Variants in TRAF5 observed in about 807,000 individuals in gnomAD.
TRAF5 encodes the protein TNF receptor-associated factor 5.
TRAF5 carries 48 observed loss-of-function variants against 64.5 expected under a neutral mutation model. The ratio of observed to expected loss-of-function variants is 0.74; its 90% CI spans 0.59 to 0.95. TRAF5 has a LOEUF of 0.95. Ranked by LOEUF, TRAF5 falls within the 40% of genes least tolerant of loss-of-function variation. The probability of loss-of-function intolerance (pLI) is 0.00; values close to 1 mark genes in which losing one functional copy is unlikely to be tolerated. For synonymous variants in TRAF5, 206 were observed against 240.5 expected, an observed-to-expected ratio of 0.86 and a Z score of 1.33; for missense variants, 545 against 662.8, an observed-to-expected ratio of 0.82 and a Z score of 1.95.
intron 8 of TRAF5, among the ~76,000 whole-genome samples, chr1:211,367,907 G>T (rs920597165): frequency 3.3e-5 from 5 of 152,158 alleles, no homozygotes; most frequent in African/African-American, 1.2e-4. Context: ...GTAGTCTCAA[G>T]ATACAATTTA....
At chr1:211,347,143 G>A (rs565894533) in intron 1 of TRAF5, among the ~76,000 whole-genome samples, 4 of 151,976 alleles carry the variant, frequency 2.6e-5, no homozygotes, top group African/African-American at 9.7e-5. Flanking sequence ...TTCCTGTTAC[G>A]TAAGCTGTTA....
chr1:211,327,774 C>T (rs1176266008), intron 1 of TRAF5, among the ~76,000 whole-genome samples: 1 of 152,212 alleles, frequency 6.6e-6, no homozygotes, highest in Non-Finnish European at 1.5e-5. Flanking sequence ...CTGTGGCAGG[C>T]AGAGCTGCCT....
At chr1:211,365,319 C>T in intron 7 of TRAF5, 57 bp from the exon 8 acceptor site, 1 of 1,412,802 alleles carries the variant, frequency 7.1e-7, no homozygotes, top group Non-Finnish European at 9.9e-7. Context: ...ATCCTACCAC[C>T]TCTTTCATTT....
chr1:211,345,718 T>C (rs1013954232), intron 1 of TRAF5, among the ~76,000 whole-genome samples: 1 of 152,202 alleles, frequency 6.6e-6, no homozygotes, highest in South Asian at 2.1e-4. Flanking sequence ...AGCTGAGAAA[T>C]GGACAGTTTG....
In TRAF5 at chr1:211,371,308, GC is replaced by G. The variant is rs781352493; in HGVS notation, c.939del (p.Ser314ValfsTer9). 1 of 1,578,892 alleles carries G rather than the reference GC, an allele frequency of 6.3e-7. No individual in the cohort carries two copies. The highest frequency in any genetic ancestry group is 1.2e-5 in the South Asian group (1 of 84,204). ...GSFLPNIQVFASHIDKSAWLE... is the reference protein window; with the variant it reads ...GSFLPNIQVFXSHIDKSAWLE... ...ATCCATTTTGTAATGAAAGGTTTTTGCCAGTCACATTGACAAGTCAGCTTGG... is the reference window on the plus strand; with the variant it reads ...ATCCATTTTGTAATGAAAGGTTTTTGCAGTCACATTGACAAGTCAGCTTGG... On this transcript the variant is annotated frameshift_variant, in exon 10 of 11. Coordinates refer to ENST00000261464, the MANE Select transcript of TRAF5 (RefSeq NM_001033910.3). LOFTEE classifies it high-confidence loss of function.
At chr1:211,344,562 G>T (rs1450310975) in intron 1 of TRAF5, among the ~76,000 whole-genome samples, 2 of 152,096 alleles carry the variant, frequency 1.3e-5, no homozygotes, top group Admixed American at 6.5e-5. Flanking sequence ...TGGCCTTATT[G>T]GTTCTCCCTT....
At position 211,365,479 on chromosome 1, in the gene TRAF5, A is replaced by C; in HGVS notation, c.789+11A>C. 2 of 1,605,444 alleles carry C rather than the reference A, an allele frequency of 1.2e-6. No individual in the cohort carries two copies. The highest frequency in any genetic ancestry group is 1.7e-6 in the Non-Finnish European group (2 of 1,173,800). ...CAATTAGAAGAACAGGTAAATCTTC[A>C]AAGGTTCAAATAAAAAGTGAGGCAA... On this transcript the variant is annotated intron_variant, in intron 8 of 10. Transcript: ENST00000261464.
In TRAF5 at chr1:211,361,086, A is replaced by T. The variant is rs1328933677; in HGVS notation, c.622-2A>T. The T allele has an allele frequency of 6.2e-7, 1 of 1,613,980 alleles. No homozygotes were observed. Among genetic ancestry groups the T allele is most frequent in the Non-Finnish European group, 8.5e-7 (1 of 1,179,844 alleles). On this transcript the variant is annotated splice_acceptor_variant, in intron 6 of 10. Transcript: ENST00000261464. LOFTEE classifies it high-confidence loss of function. ...TATAGCTTGTGACTATCCATTTCGT[A>T]GGTAGATGAACACCTGGCTGTATGT... is the stretch of plus-strand genomic sequence containing the variant.
intron 8 of TRAF5, among the ~76,000 whole-genome samples, chr1:211,366,427 T>C (rs1703353021): frequency 6.6e-6 from 1 of 152,222 alleles, no homozygotes; most frequent in South Asian, 2.1e-4. Context: ...TGTTTGCTGC[T>C]AGGGACACTG....
chr1:211,346,550 T>C, intron 1 of TRAF5: 1 of 474,766 alleles, frequency 2.1e-6, no homozygotes, highest in Non-Finnish European at 2.8e-6. Context: ...TTTGTGGACT[T>C]ATGTCTTATG....
rs866812417 is a variant in TRAF5 at position 211,326,981 on chromosome 1, C to A, written c.-2+92C>A. The A allele has an allele frequency of 1.0e-6, 1 of 953,280 alleles. No individual in the cohort carries two copies. The highest frequency in any genetic ancestry group is 1.2e-6 in the Non-Finnish European group (1 of 800,618). The allele number at this position is 953,280 out of a possible 1,614,324, so 59.1% of individuals were successfully genotyped here. On this transcript the variant is annotated intron_variant, in intron 1 of 10. Coordinates refer to ENST00000261464, the MANE Select transcript of TRAF5 (RefSeq NM_001033910.3). This position sits in a 1 kb window ranked among gnomAD's most constrained non-coding sequence, Gnocchi z 5.0. ...AGCGCTTTTCATCTCGTCCCAGTTACTTTGAAACCGAAAGCGCCTGCTGGC... is the reference window on the plus strand; with the variant it reads ...AGCGCTTTTCATCTCGTCCCAGTTAATTTGAAACCGAAAGCGCCTGCTGGC...
intron 1 of TRAF5, among the ~76,000 whole-genome samples, chr1:211,339,697 GTA>G (rs1382873879): frequency 6.6e-6 from 1 of 152,218 alleles, no homozygotes; most frequent in East Asian, 1.9e-4. Context: ...ATGCCTGCCT[GTA>G]TGTGGGCAGG....
chr1:211,343,075 A>G (rs759251613), intron 1 of TRAF5, among the ~76,000 whole-genome samples: 2 of 152,230 alleles, frequency 1.3e-5, no homozygotes, highest in African/African-American at 4.8e-5. Flanking sequence ...ACCGTTCTTC[A>G]TAGTGGCTGT....
Position 211,354,453 on chromosome 1 carries a change from A to C in TRAF5, c.262A>C (p.Ile88Leu), listed in dbSNP as rs1462833029. 1 of 1,614,062 alleles carries C rather than the reference A, an allele frequency of 6.2e-7. No individual in the cohort carries two copies. The highest frequency in any genetic ancestry group is 8.5e-7 in the Non-Finnish European group (1 of 1,180,032). ...VPICPVDKEVIKSQEVFKDNC... is the reference protein window; with the variant it reads ...VPICPVDKEVLKSQEVFKDNC... ...AATCTGCCCTGTAGATAAAGAGGTC[A>C]TCAAATCTCAGGAGGTAAGAAAGTC... is the stretch of plus-strand genomic sequence containing the variant. The change falls in exon 3 of 11, where the codon ATC becomes CTC. Residue 88 changes from isoleucine (I) to leucine (L), a missense_variant. Ile to Leu is a conservative substitution (Grantham distance 5, BLOSUM62 2). Transcript: ENST00000261464.
At chr1:211,340,939 A>C (rs1422540000) in intron 1 of TRAF5, among the ~76,000 whole-genome samples, 1 of 152,032 alleles carries the variant, frequency 6.6e-6, no homozygotes, top group Non-Finnish European at 1.5e-5. Flanking sequence ...GGACTTTGTC[A>C]CCCCCACGAC....
intron 8 of TRAF5, among the ~76,000 whole-genome samples, chr1:211,366,173 C>G (rs1703345720): frequency 1.3e-5 from 2 of 152,128 alleles, no homozygotes; most frequent in African/African-American, 2.4e-5. Context: ...GGGAAGAAAA[C>G]CATCCATTTT....
chr1:211,336,812 A>AATT (rs1334588303), intron 1 of TRAF5, among the ~76,000 whole-genome samples: 1 of 152,232 alleles, frequency 6.6e-6, no homozygotes, highest in Non-Finnish European at 1.5e-5. Flanking sequence ...GGCGTATGCC[A>AATT]CCATGCCCAG....
At chr1:211,352,125 C>A (rs1046564179) in intron 1 of TRAF5, among the ~76,000 whole-genome samples, 1 of 152,026 alleles carries the variant, frequency 6.6e-6, no homozygotes, top group East Asian at 1.9e-4. Flanking sequence ...AAAGACATAC[C>A]CAAGACTGGG....
intron 3 of TRAF5, among the ~76,000 whole-genome samples, chr1:211,355,228 GGCT>G (rs1461182644): frequency 5.9e-5 from 9 of 151,834 alleles, no homozygotes; most frequent in Non-Finnish European, 5.9e-5. Flanking sequence ...GCAGACATTT[GGCT>G]GCTAAGATTT....
Sources: allele counts gnomAD v4.1 joint callset (sites outside exome capture counted in the v4.1 genomes callset), GRCh38; gene constraint gnomAD v4.1.1; non-coding constraint Gnocchi (gnomAD v3.1); transcripts MANE v1.5; gene names NCBI Gene and HGNC (gene_info 2026-07-23, HGNC 2026-07-21).